Variants in LRRC4 observed in about 807,000 individuals in gnomAD.
LRRC4 encodes leucine-rich repeat-containing protein 4.
A neutral mutation model predicts 37.9 loss-of-function variants in LRRC4; 11 were observed. That is an observed-to-expected ratio of 0.29 (90% confidence interval 0.18 to 0.48). LRRC4 has a LOEUF of 0.48. LRRC4 is among the 20% of genes least tolerant of loss of function. The pLI is 0.99. For missense variants in LRRC4, 717 were observed against 842.1 expected (o/e 0.85, Z 1.84); for synonymous variants, 404 against 346.7 (o/e 1.17, Z -1.84).
rs532669056 is a variant in LRRC4, at chr7:128,029,392, A to C, written c.1249T>G (p.Ser417Ala). 8.7e-6 allele frequency: 14 copies of C among 1,614,180 alleles called. No individual in the cohort carries two copies. The South Asian group carries it at 1.5e-4, about 18-fold the overall frequency. Reference protein sequence around the residue: ...GTLNFSHVLLSDTGVYTCMVT... With the variant: ...GTLNFSHVLLADTGVYTCMVT... ...ATGCATGTGTACACCCCAGTGTCTG[A>C]AAGCAGCACGTGGGAAAAGTTCAAG... Residue 417 changes from serine (S) to alanine (A), a missense_variant, in exon 2 of 2, where the codon TCA (serine) becomes GCA (alanine). Ser to Ala is a moderately conservative substitution (Grantham distance 99). Coordinates refer to ENST00000249363, the MANE Select transcript of LRRC4 (RefSeq NM_022143.5). The surrounding 1 kb of genome is among the most constrained non-coding windows in gnomAD (Gnocchi z 4.2).
In LRRC4 at chr7:128,030,617, A is replaced by C; in HGVS notation, c.24T>G (p.Thr8=). 3.8e-6 allele frequency: 6 copies of C among 1,569,390 alleles called. No individual in the cohort carries two copies. The highest frequency in any genetic ancestry group is 1.3e-5 in the African/African-American group (1 of 74,080). ...TGGCATTCCAGGTGTGGTGGTGCACAGTTACCTGCCACAAGAGCTTCATGG... is the reference window on the plus strand; with the variant it reads ...TGGCATTCCAGGTGTGGTGGTGCACCGTTACCTGCCACAAGAGCTTCATGG... The part of the protein sequence containing the change: MKLLWQV[T]VHHHTWNAIL... Residue 8 remains threonine (T), a synonymous_variant, in exon 2 of 2, where the codon ACT becomes ACG. Transcript: ENST00000249363.
At position 128,030,094 on chromosome 7, in the gene LRRC4, T is replaced by G; in HGVS notation, c.547A>C (p.Lys183Gln). The G allele has an allele frequency of 2.5e-6, 4 of 1,613,814 alleles. No homozygotes were observed. The highest frequency in any genetic ancestry group is 3.4e-6 in the Non-Finnish European group (4 of 1,180,022). ...LMRLDLGELK[K>Q]LEYISEGAFE... ...GCTCCCTCAGAGATATACTCCAGCT[T>G]CTTGAGCTCCCCCAAGTCCAGGCGC... is the stretch of plus-strand genomic sequence containing the variant. Residue 183 changes from lysine (K) to glutamine (Q), a missense_variant, in exon 2 of 2, where the codon AAG becomes CAG. Lys to Gln is a moderately conservative substitution (Grantham distance 53). Coordinates refer to ENST00000249363, the MANE Select transcript of LRRC4 (RefSeq NM_022143.5).
Position 128,029,083 on chromosome 7 carries a change from C to A in LRRC4, c.1558G>T (p.Asp520Tyr). 6.2e-7 allele frequency: 1 copy of A among 1,614,036 alleles called. No homozygotes were observed. The highest frequency in any genetic ancestry group is 1.3e-5 in the African/African-American group (1 of 74,982). ...ATCTTGGTGGTCTTCATGACTTCATCCAGGCTGGTCTGCATCTTGTCAGTG... is the reference window on the plus strand; with the variant it reads ...ATCTTGGTGGTCTTCATGACTTCATACAGGCTGGTCTGCATCTTGTCAGTG... ...DTTDKMQTSL[D>Y]EVMKTTKIII... Residue 520 changes from aspartate to tyrosine, a missense_variant, in exon 2 of 2, where the codon GAT becomes TAT. By Grantham distance (160) the Asp-to-Tyr change is radical (BLOSUM62 -3). Coordinates refer to ENST00000249363, the MANE Select transcript of LRRC4 (RefSeq NM_022143.5). The surrounding 1 kb of genome is among the most constrained non-coding windows in gnomAD (Gnocchi z 4.2).
rs1216950390 is a variant in LRRC4, at chr7:128,031,077, G to A, written c.-265C>T. 6.6e-6 allele frequency: 1 copy of A among 152,486 alleles called. No homozygotes were observed. Among genetic ancestry groups the A allele is most frequent in the Non-Finnish European group, 1.5e-5 (1 of 68,362 alleles). 9.4% of individuals were successfully genotyped at this position (152,486 alleles called of 1,614,324 possible). On this transcript the variant is annotated 5_prime_UTR_variant, in exon 1 of 2. Transcript: ENST00000249363. Reference sequence around the variant, plus strand: ...GGGGAGGGGAGGGGAGGGAAGGGGTGGGGGAGACAAAATGGCCTCTAGTAA... The same window carrying A: ...GGGGAGGGGAGGGGAGGGAAGGGGTAGGGGAGACAAAATGGCCTCTAGTAA...
chr7:128,029,229 C>T lies in LRRC4; in HGVS notation c.1412G>A (p.Arg471Gln), dbSNP rs774924951. ...TTEISPEDTT[R>Q]KYKPVPTTST... ...CGTGGTAGGAACAGGCTTGTACTTTCGCGTTGTGTCCTCAGGCGAGATCTC... is the reference window on the plus strand; with the variant it reads ...CGTGGTAGGAACAGGCTTGTACTTTTGCGTTGTGTCCTCAGGCGAGATCTC... Residue 471 changes from arginine (R) to glutamine (Q), a missense_variant, in exon 2 of 2, where the codon CGA (arginine) becomes CAA (glutamine). Transcript: ENST00000249363. This position sits in a 1 kb window ranked among gnomAD's most constrained non-coding sequence, Gnocchi z 4.2. 1 of 1,614,034 alleles carries T rather than the reference C, an allele frequency of 6.2e-7. No individual in the cohort carries two copies. The highest frequency in any genetic ancestry group is 2.2e-5 in the East Asian group (1 of 44,870).
chr7:128,027,258 G>A lies in LRRC4; in HGVS notation c.*1421C>T, dbSNP rs1803502064. 6.8e-6 allele frequency: 1 copy of A among 147,680 alleles called. No homozygotes were observed. 9.1% of individuals were successfully genotyped at this position (147,680 alleles called of 1,614,324 possible). A position where few individuals can be genotyped will look rare whatever the true frequency, so the allele number is the denominator to read the frequency against. The stretch of plus-strand genomic sequence containing the variant: ...CATCATTAGATGGACCAGAATAACA[G>A]AGATCTCTGCCTTCCCCACCCACGC... On this transcript the variant is annotated 3_prime_UTR_variant, in exon 2 of 2. Coordinates refer to ENST00000249363, the MANE Select transcript of LRRC4 (RefSeq NM_022143.5).
In LRRC4 at chr7:128,031,269, G is replaced by A. The variant is rs1030425832; in HGVS notation, c.-457C>T. On this transcript the variant is annotated 5_prime_UTR_variant, in exon 1 of 2. Transcript: ENST00000249363. ...GGCACCGGCTCGCTCCAGCCGCGGG[G>A]GAAGGCGCTTCATCGCCAAAGTGCG... 2.0e-5 allele frequency among the ~76,000 whole-genome samples: 3 copies of A among 152,000 alleles called. No homozygotes were observed. The highest frequency in any genetic ancestry group is 4.4e-5 in the Non-Finnish European group (3 of 67,950).
chr7:128,029,162 C>A lies in LRRC4; in HGVS notation c.1479G>T (p.Val493=). ...YQPAYTTSTT[V]LIQTTRVPKQ... is the part of the protein sequence containing the mutation. Reference sequence around the variant, plus strand: ...TGGGCACACGGGTAGTCTGAATGAGCACCGTGGTAGAGGTGGTATATGCCG... The same window carrying A: ...TGGGCACACGGGTAGTCTGAATGAGAACCGTGGTAGAGGTGGTATATGCCG... Residue 493 remains valine, a synonymous_variant, in exon 2 of 2, where the codon GTG becomes GTT. Coordinates refer to ENST00000249363, the MANE Select transcript of LRRC4 (RefSeq NM_022143.5). The surrounding 1 kb of genome is among the most constrained non-coding windows in gnomAD (Gnocchi z 4.2). 1 of 1,614,072 alleles carries A rather than the reference C, an allele frequency of 6.2e-7. No individual in the cohort carries two copies. The highest frequency in any genetic ancestry group is 8.5e-7 in the Non-Finnish European group (1 of 1,180,014).
chr7:128,031,751 G>GCAGCCC (rs1792614323), upstream of LRRC4: 1 of 144,522 alleles, frequency 6.9e-6, no homozygotes, highest in African/African-American at 2.5e-5. Flanking sequence ...GGCGGCGGCC[G>GCAGCCC]CAGCCCCCGG....
chr7:128,029,452 G>T lies in LRRC4; in HGVS notation c.1189C>A (p.Arg397Ser), dbSNP rs1482476773. 3 of 1,614,198 alleles carry T rather than the reference G, an allele frequency of 1.9e-6. No individual in the cohort carries two copies. Among genetic ancestry groups the T allele is most frequent in the Non-Finnish European group, 2.5e-6 (3 of 1,180,044 alleles). The change falls in exon 2 of 2, where the codon CGC (arginine) becomes AGC (serine). Residue 397 changes from arginine to serine, a missense_variant. Transcript: ENST00000249363. This position sits in a 1 kb window ranked among gnomAD's most constrained non-coding sequence, Gnocchi z 4.2. ...PNGTVLSHASRHPRISVLNDG... is the reference protein window; with the variant it reads ...PNGTVLSHASSHPRISVLNDG... ...TTGAGGACAGAGATCCTTGGGTGGC[G>T]GGAGGCGTGGCTGAGCACTGTCCCA... is the stretch of plus-strand genomic sequence containing the variant.
Position 128,028,566 on chromosome 7 carries a change from CAT to C in LRRC4, c.*111_*112del, listed in dbSNP as rs1803549061. 2.0e-6 allele frequency: 2 copies of C among 1,006,212 alleles called. No individual in the cohort carries two copies. The highest frequency in any genetic ancestry group is 1.6e-5 in the African/African-American group (1 of 61,468). 62.3% of individuals were successfully genotyped at this position (1,006,212 alleles called of 1,614,324 possible). ...TATAATCTGTTTTTTTTAACCAGCC[CAT>C]AGACTTAATATATAAGCATATACAA... is the stretch of plus-strand genomic sequence containing the variant. On this transcript the variant is annotated 3_prime_UTR_variant, in exon 2 of 2. Transcript: ENST00000249363.
rs767071839 is a variant in LRRC4, at chr7:128,028,950, C to T, written c.1691G>A (p.Arg564Gln). ...GTCCACCTGGATTATCTCAACAGTC[C>T]GGGCGGCTGTGACTGTACTCCGCTG... is the stretch of plus-strand genomic sequence containing the variant. Reference protein sequence around the residue: ...HQQRSTVTAARTVEIIQVDED... With the variant: ...HQQRSTVTAAQTVEIIQVDED... The change falls in exon 2 of 2, where the codon CGG becomes CAG. Residue 564 changes from arginine (R) to glutamine (Q), a missense_variant. Around this residue, in one of 5 missense-constraint regions of LRRC4, gnomAD observed 140 missense variants for 137.2 expected, o/e 1.02. Coordinates refer to ENST00000249363, the MANE Select transcript of LRRC4 (RefSeq NM_022143.5). The T allele has an allele frequency of 4.4e-6, 7 of 1,607,778 alleles. No individual in the cohort carries two copies. The highest frequency in any genetic ancestry group is 3.4e-6 in the Non-Finnish European group (4 of 1,176,550).
At position 128,029,679 on chromosome 7, in the gene LRRC4, G is replaced by C; in HGVS notation, c.962C>G (p.Thr321Ser). The C allele has an allele frequency of 6.2e-7, 1 of 1,613,968 alleles. No homozygotes were observed. Among genetic ancestry groups the C allele is most frequent in the Non-Finnish European group, 8.5e-7 (1 of 1,180,002 alleles). ...ACAGCGGCCACAGCAGGTGGAATTG[G>C]TGGGTATATACTCTCGAAGCCACCA... Reference protein sequence around the residue: ...LAWWLREYIPTNSTCCGRCHA... With the variant: ...LAWWLREYIPSNSTCCGRCHA... Residue 321 changes from threonine (T) to serine (S), a missense_variant, in exon 2 of 2, where the codon ACC becomes AGC. Physicochemically the swap from Thr to Ser is moderately conservative, Grantham distance 58. Coordinates refer to ENST00000249363, the MANE Select transcript of LRRC4 (RefSeq NM_022143.5). This position sits in a 1 kb window ranked among gnomAD's most constrained non-coding sequence, Gnocchi z 4.2.
Position 128,031,234 on chromosome 7 carries a change from C to G in LRRC4, c.-422G>C, listed in dbSNP as rs1463460322. Among the ~76,000 whole-genome samples, 1 of 151,774 alleles carries G rather than the reference C, an allele frequency of 6.6e-6. No individual in the cohort carries two copies. The highest frequency in any genetic ancestry group is 1.5e-5 in the Non-Finnish European group (1 of 67,912). On this transcript the variant is annotated 5_prime_UTR_variant, in exon 1 of 2. Coordinates refer to ENST00000249363, the MANE Select transcript of LRRC4 (RefSeq NM_022143.5). ...GCCACCAGCGCTTCCCGGCTTTGTC[C>G]TTGGACCCTGGCACCGGCTCGCTCC...
chr7:128,028,760 C>T lies in LRRC4; in HGVS notation c.1881G>A (p.Leu627=). The T allele has an allele frequency of 3.1e-6, 5 of 1,614,086 alleles. No homozygotes were observed. The highest frequency in any genetic ancestry group is 3.4e-6 in the Non-Finnish European group (4 of 1,180,012). The change falls in exon 2 of 2, where the codon CTG becomes CTA. Residue 627 remains leucine (L), a synonymous_variant. Transcript: ENST00000249363. ...CAGAGATAGTGGTGACTGTGGGGTG[C>T]AGAGAGTTCCCCAGGCTGTTTTCTG... ...HWTENSLGNS[L]HPTVTTISEP... is the part of the protein sequence containing the mutation.
In LRRC4 at chr7:128,031,051, AG is replaced by A. The variant is rs1792577519; in HGVS notation, c.-240del. 1 of 11,020 alleles carries A rather than the reference AG, an allele frequency of 9.1e-5. No homozygotes were observed. Among genetic ancestry groups the A allele is most frequent in the Admixed American group, 8.4e-4 (1 of 1,192 alleles). The allele number at this position is 11,020 out of a possible 1,614,324, so 0.7% of individuals were successfully genotyped here. ...GGTGGGGGCGGGGAGGGCAGAGGGG[AG>A]GGGAGGGGAGGGGAGGGAAGGGGTG... On this transcript the variant is annotated 5_prime_UTR_variant, in exon 1 of 2. Transcript: ENST00000249363.
chr7:128,029,339 G>T lies in LRRC4; in HGVS notation c.1302C>A (p.Asn434Lys), dbSNP rs762817576. 1.9e-6 allele frequency: 3 copies of T among 1,614,190 alleles called. No individual in the cohort carries two copies. Among genetic ancestry groups the T allele is most frequent in the Non-Finnish European group, 2.5e-6 (3 of 1,180,032 alleles). Reference protein sequence around the residue: ...CMVTNVAGNSNASAYLNVSTA... With the variant: ...CMVTNVAGNSKASAYLNVSTA... Reference sequence around the variant, plus strand: ...TGCTCACATTGAGGTAGGCCGAGGCGTTGGAGTTGCCTGCAACATTGGTCA... The same window carrying T: ...TGCTCACATTGAGGTAGGCCGAGGCTTTGGAGTTGCCTGCAACATTGGTCA... The change falls in exon 2 of 2, where the codon AAC becomes AAA. Residue 434 changes from asparagine to lysine, a missense_variant. Coordinates refer to ENST00000249363, the MANE Select transcript of LRRC4 (RefSeq NM_022143.5). The surrounding 1 kb of genome is among the most constrained non-coding windows in gnomAD (Gnocchi z 4.2).
In LRRC4 at chr7:128,029,708, T is replaced by C; in HGVS notation, c.933A>G (p.Leu311=). Residue 311 remains leucine (L), a synonymous_variant, in exon 2 of 2, where the codon CTA becomes CTG. Transcript: ENST00000249363. The surrounding 1 kb of genome is among the most constrained non-coding windows in gnomAD (Gnocchi z 4.2). Reference sequence around the variant, plus strand: ...GTATATACTCTCGAAGCCACCAGGCTAGCCACAGAATGTCACAATCACAGT... The same window carrying C: ...GTATATACTCTCGAAGCCACCAGGCCAGCCACAGAATGTCACAATCACAGT... ...PWNCDCDILW[L]AWWLREYIPT... is the part of the protein sequence containing the mutation. 6.2e-7 allele frequency: 1 copy of C among 1,614,098 alleles called. No homozygotes were observed. The highest frequency in any genetic ancestry group is 8.5e-7 in the Non-Finnish European group (1 of 1,180,028).
At chr7:128,031,725 G>GCGCGGGTCCGGCGGCGGCGGCGGC (rs1187256634), upstream of LRRC4, 4 of 143,864 alleles carry the variant, frequency 2.8e-5, no homozygotes, top group Non-Finnish European at 6.1e-5. Flanking sequence ...CCGGGGGCGG[G>GCGCGGGTCCGGCGGCGGCGGCGGC]CGCGGGTCCG....
Sources: gnomAD v4.1 joint callset for allele counts (sites outside exome capture counted in the v4.1 genomes callset) on GRCh38, gnomAD v4.1.1 for gene constraint, gnomAD v4.1.1 regional missense constraint, Gnocchi (gnomAD v3.1) non-coding constraint, MANE v1.5 for transcripts, NCBI Gene and HGNC (gene_info 2026-07-23, HGNC 2026-07-21) for gene names.